The following NYAP2 variants were observed in gnomAD, a reference collection of about 807,000 sequenced individuals.
The protein encoded by NYAP2 is neuronal tyrosine-phosphorylated phosphoinositide-3-kinase adapter 2.
Under a neutral mutation model 50.4 loss-of-function variants are expected in NYAP2, and 23 were observed. The ratio of observed to expected loss-of-function variants is 0.46; its 90% CI spans 0.33 to 0.65. The LOEUF (loss-of-function observed/expected upper bound fraction) is 0.65, where lower values mean the gene tolerates loss of function less well. Among genes scored for constraint, NYAP2 ranks in the 30% least tolerant of loss-of-function variants. The pLI, the probability that NYAP2 is intolerant of heterozygous loss-of-function variation, is 0.02. For missense variants in NYAP2, 885 were observed against 861.0 expected (o/e 1.03, Z -0.35); for synonymous variants, 394 against 365.2 (o/e 1.08, Z -0.90).
At chr2:225,446,242 CTCTCTATATATATA>C (rs1393207067) in intron 3 of NYAP2, among the ~76,000 whole-genome samples, 5 of 110,280 alleles carry the variant, frequency 4.5e-5, no homozygotes, top group African/African-American at 1.0e-4. Context: ...CTCTCTCTCT[CTCTCTATATATATA>C]TATATATATA....
exon 7 of NYAP2, chr2:225,651,754 T>A (rs1693736397): frequency 1.5e-6 from 1 of 647,632 alleles, no homozygotes; most frequent in East Asian, 2.8e-5. Context: ...TGAAACTTTC[T>A]TTGCTGTTTG....
At chr2:225,628,421 A>G (rs1693250906) in intron 6 of NYAP2, among the ~76,000 whole-genome samples, 1 of 148,122 alleles carries the variant, frequency 6.8e-6, no homozygotes, top group South Asian at 2.1e-4. Flanking sequence ...TCCTGGGTTC[A>G]AGTGATTCTC....
intron 3 of NYAP2, among the ~76,000 whole-genome samples, chr2:225,449,849 T>G: frequency 6.6e-6 from 1 of 152,034 alleles, no homozygotes; most frequent in Non-Finnish European, 1.5e-5. Context: ...ACTCCTGACC[T>G]CAAGTGATCC....
At chr2:225,539,617 T>C (rs1345905367) in intron 4 of NYAP2, among the ~76,000 whole-genome samples, 1 of 152,236 alleles carries the variant, frequency 6.6e-6, no homozygotes, top group Non-Finnish European at 1.5e-5. Flanking sequence ...CTTATTTTCA[T>C]GTTTCTTGGC....
At chr2:225,533,694 A>C (rs1280768130) in intron 4 of NYAP2, among the ~76,000 whole-genome samples, 1 of 152,154 alleles carries the variant, frequency 6.6e-6, no homozygotes, top group Non-Finnish European at 1.5e-5. Flanking sequence ...GTCTCAAAAA[A>C]AAAAAGTACA....
chr2:225,417,420 T>C (rs1398487342), intron 3 of NYAP2, among the ~76,000 whole-genome samples: 1 of 152,006 alleles, frequency 6.6e-6, no homozygotes. Flanking sequence ...ATGCCTCTAG[T>C]TAAAAGTTAT....
At chr2:225,444,315 ACACT>A (rs1226021047) in intron 3 of NYAP2, among the ~76,000 whole-genome samples, 1 of 152,200 alleles carries the variant, frequency 6.6e-6, no homozygotes, top group African/African-American at 2.4e-5. Flanking sequence ...ACTGATGACC[ACACT>A]CACCCTGAGT....
intron 4 of NYAP2, among the ~76,000 whole-genome samples, chr2:225,576,403 A>G (rs1692170955): frequency 6.6e-6 from 1 of 152,186 alleles, no homozygotes; most frequent in Non-Finnish European, 1.5e-5. Flanking sequence ...TCCATTCCTT[A>G]ACAAACATCT....
At chr2:225,568,090 T>A (rs1256414337) in intron 4 of NYAP2, among the ~76,000 whole-genome samples, 1 of 152,174 alleles carries the variant, frequency 6.6e-6, no homozygotes, top group East Asian at 1.9e-4. Context: ...AGGAGGTTTT[T>A]TGCCAGAAAA....
chr2:225,413,088 T>G (rs1695073289), intron 3 of NYAP2, among the ~76,000 whole-genome samples: 1 of 152,164 alleles, frequency 6.6e-6, no homozygotes, highest in Non-Finnish European at 1.5e-5. Context: ...CTTCCTTTCT[T>G]TCCTACTCTC....
the NYAP2 span, among the ~76,000 whole-genome samples, chr2:225,668,461 G>A: frequency 6.6e-6 from 1 of 152,110 alleles, no homozygotes; most frequent in African/African-American, 2.4e-5. Context: ...TCCATTAGAG[G>A]ATCAGATCAG....
At chr2:225,571,747 C>A (rs969312796) in intron 4 of NYAP2, among the ~76,000 whole-genome samples, 1 of 152,176 alleles carries the variant, frequency 6.6e-6, no homozygotes, top group Admixed American at 6.5e-5. Flanking sequence ...GAGACATTTT[C>A]CCCATTATCT....
At chr2:225,398,431 A>T (rs912432700), upstream of NYAP2, among the ~76,000 whole-genome samples, 1 of 150,062 alleles carries the variant, frequency 6.7e-6, no homozygotes, top group Non-Finnish European at 1.5e-5. Flanking sequence ...TCTGTCAATA[A>T]TTTTTTTTTT....
the NYAP2 span, among the ~76,000 whole-genome samples, chr2:225,669,243 T>A: frequency 6.6e-6 from 1 of 152,114 alleles, no homozygotes; most frequent in South Asian, 2.1e-4. Flanking sequence ...CTCTATCTCT[T>A]TCTTTTTACA....
At chr2:225,445,679 G>T (rs1007187977) in intron 3 of NYAP2, among the ~76,000 whole-genome samples, 2 of 151,972 alleles carry the variant, frequency 1.3e-5, no homozygotes, top group African/African-American at 4.8e-5. Context: ...GAAATGTGAA[G>T]CTTAAAAAAA....
downstream of NYAP2, among the ~76,000 whole-genome samples, chr2:225,655,913 CACACACACACACACATACACACAT>C (rs1342465300): frequency 2.7e-5 from 4 of 147,432 alleles, no homozygotes; most frequent in African/African-American, 1.0e-4. Context: ...CACACACACA[CACACACACACACACATACACACAT>C]ACACACACAC....
intron 4 of NYAP2, among the ~76,000 whole-genome samples, chr2:225,519,470 G>A (rs1293963880): frequency 7.6e-6 from 1 of 131,812 alleles, no homozygotes; most frequent in African/African-American, 2.9e-5. Flanking sequence ...CCCTTCCTGT[G>A]TCCATGTGTT....
Position 225,430,115 on chromosome 2 carries a change from CTTT to C in NYAP2, c.221+21015_221+21017del, listed in dbSNP as rs552884981. Among the ~76,000 whole-genome samples the C allele has an allele frequency of 4.1e-4, 62 of 152,276 alleles. 1 individual carries two copies. In the South Asian group the frequency reaches 9.1e-3, roughly 22 times the overall value. ...TCTCTCTTTCTCTTCCTCTCTTCTT[CTTT>C]GTCTCCCTTATTTTTCTTCTTTTAG... On this transcript the variant is annotated intron_variant, in intron 3 of 6. Coordinates refer to ENST00000636099, the Ensembl canonical transcript of NYAP2.
the NYAP2 span, among the ~76,000 whole-genome samples, chr2:225,680,361 A>T: frequency 6.6e-6 from 1 of 151,874 alleles, no homozygotes; most frequent in Non-Finnish European, 1.5e-5. Flanking sequence ...CTGCTTACAC[A>T]TAGAAAGGGG....
Sources: gnomAD v4.1 joint callset for allele counts (sites outside exome capture counted in the v4.1 genomes callset) on GRCh38, gnomAD v4.1.1 for gene constraint, MANE v1.5 for transcripts, NCBI Gene and HGNC (gene_info 2026-07-23, HGNC 2026-07-21) for gene names.